The following TVP23A variants were observed in gnomAD, a reference collection of about 807,000 sequenced individuals.
TVP23A encodes trans-golgi network vesicle protein 23 homolog A, also known as Golgi apparatus membrane protein TVP23 homolog A.
In TVP23A, 21 loss-of-function variants were observed where a neutral mutation model predicts 31.7. The observed-to-expected ratio is 0.66, with a 90% CI of 0.47 to 0.95. TVP23A has a LOEUF of 0.95. Ranked by LOEUF, TVP23A falls within the 40% of genes least tolerant of loss-of-function variation. The pLI, the probability that TVP23A is intolerant of heterozygous loss-of-function variation, is 0.00. For missense variants in TVP23A, 279 were observed against 255.6 expected, an observed-to-expected ratio of 1.09 and a Z score of -0.62; for synonymous variants, 104 against 96.0, an observed-to-expected ratio of 1.08 and a Z score of -0.49.
At chr16:10,806,899 T>C (rs1417739225) in intron 2 of TVP23A, among the ~76,000 whole-genome samples, 1 of 152,226 alleles carries the variant, frequency 6.6e-6, no homozygotes, top group South Asian at 2.1e-4. Context: ...TGTAAGGAGT[T>C]AATTTCAAAA....
chr16:10,797,888 A>G (rs1280130486), intron 2 of TVP23A, among the ~76,000 whole-genome samples: 1 of 151,726 alleles, frequency 6.6e-6, no homozygotes, highest in Non-Finnish European at 1.5e-5. Context: ...TGATAGGGAC[A>G]TGGGATTCAC....
chr16:10,763,551 C>T (rs1259205948), downstream of TVP23A: 1 of 152,314 alleles, frequency 6.6e-6, no homozygotes, highest in Non-Finnish European at 1.5e-5. Context: ...CATCATAAAA[C>T]ACTCACCAGG....
chr16:10,761,677 T>G, downstream of TVP23A: 1 of 1,189,204 alleles, frequency 8.4e-7, no homozygotes. Context: ...TTTTTTTTTT[T>G]TAAGTTTCTT....
intron 2 of TVP23A, among the ~76,000 whole-genome samples, chr16:10,805,715 A>C (rs966971091): frequency 1.3e-5 from 2 of 151,070 alleles, no homozygotes; most frequent in Non-Finnish European, 2.9e-5. Context: ...ATCATTGCTT[A>C]TATGTTTATT....
intron 2 of TVP23A, among the ~76,000 whole-genome samples, chr16:10,809,944 C>T (rs1368002014): frequency 2.0e-5 from 3 of 152,154 alleles, no homozygotes; most frequent in Non-Finnish European, 4.4e-5. Context: ...ACATTCATAG[C>T]AACATTACTC....
chr16:10,806,434 T>C (rs1467016655), intron 2 of TVP23A, among the ~76,000 whole-genome samples: 3 of 152,206 alleles, frequency 2.0e-5, no homozygotes, highest in African/African-American at 7.2e-5. Flanking sequence ...GCCAATGTCC[T>C]CTCCCAAATG....
chr16:10,770,618 A>C (rs1425700801), intron 6 of TVP23A, among the ~76,000 whole-genome samples: 1 of 151,878 alleles, frequency 6.6e-6, no homozygotes, highest in Non-Finnish European at 1.5e-5. Context: ...CCCGCCTGTA[A>C]TCCTAGCACT....
chr16:10,810,627 T>C (rs1202986393), intron 2 of TVP23A, among the ~76,000 whole-genome samples: 1 of 151,860 alleles, frequency 6.6e-6, no homozygotes, highest in Non-Finnish European at 1.5e-5. Context: ...ATCCAAACCT[T>C]TGAGGGCCTG....
chr16:10,796,987 C>T (rs572566075), intron 2 of TVP23A, among the ~76,000 whole-genome samples: 6 of 151,872 alleles, frequency 4.0e-5, no homozygotes, highest in African/African-American at 7.3e-5. Context: ...CCCAAGAATT[C>T]GAGAACAGCC....
At chr16:10,778,838 C>T (rs921086518) in intron 2 of TVP23A, among the ~76,000 whole-genome samples, 2 of 151,708 alleles carry the variant, frequency 1.3e-5, no homozygotes, top group African/African-American at 2.4e-5. Flanking sequence ...TGATGGCAGG[C>T]GCCTGTAATC....
At chr16:10,781,719 G>A (rs2032433379) in intron 2 of TVP23A, among the ~76,000 whole-genome samples, 1 of 152,146 alleles carries the variant, frequency 6.6e-6, no homozygotes. Context: ...TGTAAATGAA[G>A]TGTGGAGTCT....
At chr16:10,773,702 C>A (rs1485174119) in intron 4 of TVP23A, among the ~76,000 whole-genome samples, 1 of 152,100 alleles carries the variant, frequency 6.6e-6, no homozygotes, top group Non-Finnish European at 1.5e-5. Flanking sequence ...TCCCGAGTAG[C>A]TGGGAATACA....
At chr16:10,785,403 CAA>C (rs202222383) in intron 2 of TVP23A, among the ~76,000 whole-genome samples, 1 of 139,260 alleles carries the variant, frequency 7.2e-6, no homozygotes, top group Non-Finnish European at 1.6e-5. Context: ...GACTCCATCT[CAA>C]AAAAAAAAAG....
chr16:10,797,955 CTT>C (rs1162130562), intron 2 of TVP23A, among the ~76,000 whole-genome samples: 7 of 122,922 alleles, frequency 5.7e-5, no homozygotes, highest in Middle Eastern at 3.8e-3. Flanking sequence ...TTTTCTTTTT[CTT>C]TTTTTTTTTT....
Position 10,818,414 on chromosome 16 carries a change from G to A in TVP23A, c.9+71C>T. The A allele has an allele frequency of 6.4e-7, 1 of 1,572,952 alleles. No homozygotes were observed. Among genetic ancestry groups the A allele is most frequent in the Non-Finnish European group, 8.6e-7 (1 of 1,162,904 alleles). ...CGGCGCATCCCTCCTCCTCCTCCCG[G>A]CTTCTCCAGCGCTCCCGCAGGCTCC... On this transcript the variant is annotated intron_variant, in intron 1 of 7. Transcript: ENST00000299866. This position sits in a 1 kb window ranked among gnomAD's most constrained non-coding sequence, Gnocchi z 4.7.
intron 2 of TVP23A, among the ~76,000 whole-genome samples, chr16:10,782,468 G>T (rs571453588): frequency 6.6e-6 from 1 of 152,142 alleles, no homozygotes; most frequent in East Asian, 1.9e-4. Flanking sequence ...GCTCACCTGT[G>T]TCATGAAGTT....
In TVP23A at chr16:10,774,964, G is replaced by C. The variant is rs758788243; in HGVS notation, c.222C>G (p.Phe74Leu). 9.3e-6 allele frequency: 15 copies of C among 1,612,904 alleles called. No homozygotes were observed. In the Admixed American group the frequency reaches 1.2e-4, roughly 13 times the overall value. ...VMVLLLLSLD[F>L]WSVKNVTGRL... ...GAAAGGGCCTCACCTTCACAGACCA[G>C]AAGTCCAGGGACAGGAGGAGCAGCA... is the stretch of plus-strand genomic sequence containing the variant. Residue 74 changes from phenylalanine to leucine, a missense_variant, in exon 3 of 8, where the codon TTC becomes TTG. Physicochemically the swap from Phe to Leu is conservative, Grantham distance 22 (BLOSUM62 0). Transcript: ENST00000299866.
At chr16:10,802,621 AC>A (rs1165407598) in intron 2 of TVP23A, among the ~76,000 whole-genome samples, 1 of 152,134 alleles carries the variant, frequency 6.6e-6, no homozygotes, top group Non-Finnish European at 1.5e-5. Context: ...AGTTCTTCGT[AC>A]TATTCTTGCT....
intron 5 of TVP23A, among the ~76,000 whole-genome samples, chr16:10,772,396 G>T (rs1010298371): frequency 2.0e-5 from 3 of 152,090 alleles, no homozygotes; most frequent in Non-Finnish European, 2.9e-5. Flanking sequence ...TTAAGACGGA[G>T]CCTCACTCTG....
Sources: gnomAD v4.1 joint callset for allele counts (sites outside exome capture counted in the v4.1 genomes callset) on GRCh38, gnomAD v4.1.1 for gene constraint, Gnocchi (gnomAD v3.1) non-coding constraint, MANE v1.5 for transcripts, NCBI Gene and HGNC (gene_info 2026-07-23, HGNC 2026-07-21) for gene names.